Variants in LGSN observed in about 807,000 individuals in gnomAD.
The protein encoded by LGSN is lengsin.
A neutral mutation model predicts 19.5 loss-of-function variants in LGSN; 21 were observed. The observed-to-expected ratio is 1.07, with a 90% confidence interval of 0.76 to 1.55. The LOEUF is 1.55. Among genes scored for constraint, LGSN ranks in the 40% most tolerant of loss-of-function variants. The probability of loss-of-function intolerance (pLI) is 0.00; values close to 1 mark genes in which losing one functional copy is unlikely to be tolerated. For synonymous variants in LGSN, 257 were observed against 215.6 expected (o/e 1.19, Z -1.68); for missense variants, 673 against 608.5 (o/e 1.11, Z -1.12).
the LGSN span, among the ~76,000 whole-genome samples, chr6:63,437,076 G>A: frequency 7.0e-6 from 1 of 142,404 alleles, no homozygotes; most frequent in African/African-American, 2.5e-5. Flanking sequence ...GGAAGGGGAG[G>A]GGAGGGGAAG....
chr6:63,552,347 T>A, the LGSN span, among the ~76,000 whole-genome samples: 1 of 152,248 alleles, frequency 6.6e-6, no homozygotes, highest in Non-Finnish European at 1.5e-5. Flanking sequence ...GAGAAGTGTC[T>A]GTTCATGTCC....
the LGSN span, among the ~76,000 whole-genome samples, chr6:63,560,445 G>A: frequency 2.0e-5 from 3 of 149,794 alleles, no homozygotes; most frequent in Non-Finnish European, 3.0e-5. Context: ...TCTGTTGGGC[G>A]GGCTGGAAGG....
At chr6:63,311,240 T>A (rs1488002991) in intron 1 of LGSN, among the ~76,000 whole-genome samples, 1 of 152,226 alleles carries the variant, frequency 6.6e-6, no homozygotes, top group Admixed American at 6.5e-5. Context: ...CTCCAATTGA[T>A]CTGGGTACAA....
the LGSN span, among the ~76,000 whole-genome samples, chr6:63,525,209 G>C: frequency 6.6e-6 from 1 of 152,146 alleles, no homozygotes; most frequent in East Asian, 1.9e-4. Flanking sequence ...AGTTATCCTG[G>C]TGAATTGTGT....
At chr6:63,383,241 G>T in the LGSN span, among the ~76,000 whole-genome samples, 1 of 151,998 alleles carries the variant, frequency 6.6e-6, no homozygotes, top group Admixed American at 6.6e-5. Context: ...GGGATTACAG[G>T]TATGAGCCAC....
chr6:63,476,697 A>G, the LGSN span, among the ~76,000 whole-genome samples: 1 of 152,342 alleles, frequency 6.6e-6, no homozygotes, highest in Non-Finnish European at 1.5e-5. Context: ...GAGCACAGGA[A>G]GCAAACATTC....
At chr6:63,460,587 C>T in the LGSN span, among the ~76,000 whole-genome samples, 2 of 152,106 alleles carry the variant, frequency 1.3e-5, no homozygotes, top group African/African-American at 4.8e-5. Flanking sequence ...ATATTATTTG[C>T]CACTTCCTTG....
At chr6:63,443,169 CCA>C in the LGSN span, among the ~76,000 whole-genome samples, 1 of 152,224 alleles carries the variant, frequency 6.6e-6, no homozygotes, top group Non-Finnish European at 1.5e-5. Context: ...GGTGCCCCCT[CCA>C]CAGCTACTGG....
At chr6:63,436,526 C>G in the LGSN span, among the ~76,000 whole-genome samples, 32 of 152,266 alleles carry the variant, frequency 2.1e-4, no homozygotes, top group East Asian at 6.0e-3. Context: ...CTGTGGTGAC[C>G]AGGAACCCTC....
At chr6:63,490,256 C>T in the LGSN span, among the ~76,000 whole-genome samples, 22 of 152,158 alleles carry the variant, frequency 1.4e-4, no homozygotes, top group East Asian at 3.3e-3. Flanking sequence ...TCAGGTCATC[C>T]GTGTAAGGTT....
At chr6:63,444,551 C>A in the LGSN span, among the ~76,000 whole-genome samples, 1 of 152,176 alleles carries the variant, frequency 6.6e-6, no homozygotes, top group Non-Finnish European at 1.5e-5. Context: ...TTAACACATA[C>A]ACGGAACTCA....
At chr6:63,572,852 T>G in the LGSN span, 2 of 392,560 alleles carry the variant, frequency 5.1e-6, no homozygotes, top group Non-Finnish European at 4.5e-6. Flanking sequence ...GGGTCCCGGG[T>G]GGGAGCGGGC....
chr6:63,364,286 CCA>C, the LGSN span, among the ~76,000 whole-genome samples: 1 of 152,010 alleles, frequency 6.6e-6, no homozygotes, highest in Non-Finnish European at 1.5e-5. Context: ...GGTTGCAATC[CCA>C]GTCTCTGATA....
the LGSN span, among the ~76,000 whole-genome samples, chr6:63,360,368 T>G: frequency 6.6e-6 from 1 of 152,236 alleles, no homozygotes; most frequent in South Asian, 2.1e-4. Context: ...TTCTTTTTAT[T>G]CTTTTTTCTC....
At chr6:63,312,133 T>A (rs138065822) in intron 1 of LGSN, among the ~76,000 whole-genome samples, 1 of 152,348 alleles carries the variant, frequency 6.6e-6, no homozygotes, top group African/African-American at 2.4e-5. Flanking sequence ...TAAGGCTTCC[T>A]TCCTTTCAAA....
chr6:63,516,742 T>C, the LGSN span, among the ~76,000 whole-genome samples: 85 of 152,314 alleles, frequency 5.6e-4, no homozygotes, highest in African/African-American at 2.0e-3. Context: ...TATGTGGCAA[T>C]GGCATGTGCT....
At chr6:63,420,135 G>A in the LGSN span, among the ~76,000 whole-genome samples, 4 of 151,218 alleles carry the variant, frequency 2.6e-5, no homozygotes, top group Non-Finnish European at 4.4e-5. Context: ...CTCGGGAGGC[G>A]GAGCTTGCAG....
At chr6:63,441,513 G>A in the LGSN span, 1 of 423,830 alleles carries the variant, frequency 2.4e-6, no homozygotes, top group Admixed American at 2.8e-5. Context: ...CACAACACAT[G>A]AAGGCTGTAC....
At chr6:63,296,349 T>A (rs1278409551) in intron 1 of LGSN, among the ~76,000 whole-genome samples, 1 of 151,766 alleles carries the variant, frequency 6.6e-6, no homozygotes, top group Non-Finnish European at 1.5e-5. Flanking sequence ...AATACTTGCA[T>A]AAATTTTCCC....
Sources: gnomAD v4.1 joint callset for allele counts (sites outside exome capture counted in the v4.1 genomes callset) on GRCh38, gnomAD v4.1.1 for gene constraint, MANE v1.5 for transcripts, NCBI Gene and HGNC (gene_info 2026-07-23, HGNC 2026-07-21) for gene names.